The following PDE4D variants were observed in gnomAD, a reference collection of about 807,000 sequenced individuals.
The protein encoded by PDE4D is phosphodiesterase 4D.
Under a neutral mutation model 87.4 loss-of-function variants are expected in PDE4D, and 24 were observed. The ratio of observed to expected loss-of-function variants is 0.27; its 90% CI spans 0.20 to 0.39. The LOEUF is 0.39. Ranked by LOEUF, PDE4D falls within the 10% of genes least tolerant of loss-of-function variation. The pLI is 1.00. For missense variants in PDE4D, 714 were observed against 1,041.0 expected (o/e 0.69, Z 4.32); for synonymous variants, 384 against 383.2 (o/e 1.00, Z -0.02).
chr5:60,116,721 A>C (rs1778204269), intron 2 of PDE4D, among the ~76,000 whole-genome samples: 1 of 152,076 alleles, frequency 6.6e-6, no homozygotes, highest in African/African-American at 2.4e-5. Context: ...GAGCAGGAAA[A>C]AATTAAATTC....
rs745838917 is a variant in PDE4D at position 58,976,331 on chromosome 5, A to T, written c.1830+19T>A. On this transcript the variant is annotated intron_variant, in intron 13 of 14. Coordinates refer to ENST00000340635, the MANE Select transcript of PDE4D (RefSeq NM_001104631.2). Reference sequence around the variant, plus strand: ...TGCACAGACACACACACACAGAGCAAACTCAAACAAGGCTTTACCTGAATC... The same window carrying T: ...TGCACAGACACACACACACAGAGCATACTCAAACAAGGCTTTACCTGAATC... The T allele has an allele frequency of 8.7e-6, 14 of 1,611,326 alleles. No homozygotes were observed. Among genetic ancestry groups the T allele is most frequent in the Non-Finnish European group, 1.2e-5 (14 of 1,178,842 alleles).
chr5:60,365,261 G>A (rs1329419697), intron 1 of PDE4D, among the ~76,000 whole-genome samples: 1 of 152,150 alleles, frequency 6.6e-6, no homozygotes, highest in East Asian at 1.9e-4. Flanking sequence ...TGCAATGTTA[G>A]CACAAACATT....
At chr5:60,244,859 G>A (rs1012087359) in intron 1 of PDE4D, among the ~76,000 whole-genome samples, 2 of 151,906 alleles carry the variant, frequency 1.3e-5, no homozygotes, top group African/African-American at 2.4e-5. Flanking sequence ...AAACATTGGG[G>A]AAACTCTCCA....
chr5:59,721,242 A>G (rs1755782219), intron 1 of PDE4D, among the ~76,000 whole-genome samples: 1 of 152,110 alleles, frequency 6.6e-6, no homozygotes, highest in African/African-American at 2.4e-5. Flanking sequence ...TTATACTTTT[A>G]CTTATTTCCT....
At chr5:59,303,375 C>A (rs1016520435) in intron 1 of PDE4D, among the ~76,000 whole-genome samples, 5 of 152,146 alleles carry the variant, frequency 3.3e-5, no homozygotes, top group African/African-American at 1.2e-4. Context: ...TTTTGCCCTG[C>A]AAAAGCTCGT....
chr5:60,180,972 T>C (rs891616452), intron 2 of PDE4D, among the ~76,000 whole-genome samples: 2 of 152,118 alleles, frequency 1.3e-5, no homozygotes, highest in African/African-American at 4.8e-5. Flanking sequence ...TTGAATATAG[T>C]AGAGAATTGA....
intron 1 of PDE4D, among the ~76,000 whole-genome samples, chr5:59,845,737 T>C (rs927734463): frequency 3.3e-5 from 5 of 152,134 alleles, no homozygotes. Context: ...TGTGTGGATA[T>C]GGAACCTGAT....
chr5:59,818,872 A>T (rs1004662338), intron 1 of PDE4D, among the ~76,000 whole-genome samples: 1 of 63,212 alleles, frequency 1.6e-5, no homozygotes, highest in Non-Finnish European at 5.2e-5. Flanking sequence ...AAAGTAGATA[A>T]AAAAAAAAAC....
intron 1 of PDE4D, among the ~76,000 whole-genome samples, chr5:59,451,191 A>C (rs1799101248): frequency 6.6e-6 from 1 of 150,850 alleles, no homozygotes; most frequent in Non-Finnish European, 1.5e-5. Flanking sequence ...TTTCTGAAAC[A>C]CTCCTTTCCT....
intron 5 of PDE4D, among the ~76,000 whole-genome samples, chr5:59,085,234 G>A (rs529809706): frequency 6.6e-6 from 1 of 152,170 alleles, no homozygotes; most frequent in East Asian, 1.9e-4. Context: ...GTTATATAGA[G>A]AATTGTATTT....
chr5:58,976,050 A>G (rs561766702), intron 13 of PDE4D, among the ~76,000 whole-genome samples: 105 of 152,298 alleles, frequency 6.9e-4, no homozygotes, highest in African/African-American at 2.3e-3. Flanking sequence ...CTGCATCTAA[A>G]TAGCTTAAGA....
intron 1 of PDE4D, among the ~76,000 whole-genome samples, chr5:59,740,428 G>A (rs775515150): frequency 1.3e-5 from 2 of 151,998 alleles, no homozygotes; most frequent in African/African-American, 4.8e-5. Flanking sequence ...TTGTCTTGAC[G>A]ACTTGGCAAC....
chr5:59,340,302 C>G (rs1215522439), intron 1 of PDE4D, among the ~76,000 whole-genome samples: 1 of 152,086 alleles, frequency 6.6e-6, no homozygotes, highest in Non-Finnish European at 1.5e-5. Context: ...TAATGTGAAC[C>G]ATGAATGATG....
intron 1 of PDE4D, among the ~76,000 whole-genome samples, chr5:59,840,444 C>CAGCTCCTAG (rs1173389061): frequency 2.0e-5 from 3 of 151,976 alleles, no homozygotes; most frequent in African/African-American, 7.2e-5. Context: ...ACCATATCAC[C>CAGCTCCTAG]AGCTCCTAGA....
intron 1 of PDE4D, among the ~76,000 whole-genome samples, chr5:59,683,047 T>C (rs1462367825): frequency 1.3e-5 from 2 of 152,236 alleles, no homozygotes; most frequent in Non-Finnish European, 2.9e-5. Context: ...GTCTGTAGAT[T>C]AGATAACAAC....
At chr5:60,433,620 G>C (rs1744531397) in intron 1 of PDE4D, among the ~76,000 whole-genome samples, 1 of 152,170 alleles carries the variant, frequency 6.6e-6, no homozygotes, top group Admixed American at 6.5e-5. Context: ...ATACACACAT[G>C]CATATGTTCA....
intron 2 of PDE4D, among the ~76,000 whole-genome samples, chr5:60,081,120 G>A (rs1369668248): frequency 6.6e-6 from 1 of 152,086 alleles, no homozygotes; most frequent in African/African-American, 2.4e-5. Flanking sequence ...GGATGTATGT[G>A]TTCAGGAGTT....
chr5:59,651,273 T>G (rs192719), intron 1 of PDE4D, among the ~76,000 whole-genome samples: 2,923 of 85,900 alleles, frequency 0.034, 50 homozygotes, highest in South Asian at 0.072. Flanking sequence ...ATAATAATAA[T>G]AATAATAATA....
intron 5 of PDE4D, among the ~76,000 whole-genome samples, chr5:59,078,428 T>A (rs1427815969): frequency 2.0e-5 from 3 of 152,148 alleles, no homozygotes; most frequent in African/African-American, 4.8e-5. Flanking sequence ...GAAAAGATAC[T>A]GCTATGGTTT....
Sources: gnomAD v4.1 joint callset for allele counts (sites outside exome capture counted in the v4.1 genomes callset) on GRCh38, gnomAD v4.1.1 for gene constraint, MANE v1.5 for transcripts, NCBI Gene and HGNC (gene_info 2026-07-23, HGNC 2026-07-21) for gene names.